TBXT: variants seen among roughly 807,000 people sequenced by gnomAD.
TBXT encodes T-box transcription factor T.
Under a neutral mutation model 41.1 loss-of-function variants are expected in TBXT, and 19 were observed. That is an observed-to-expected ratio of 0.46 (90% CI 0.32 to 0.68). TBXT has a LOEUF of 0.68. TBXT is among the 30% of genes least tolerant of loss of function. TBXT has a pLI of 0.03. For synonymous variants in TBXT, 213 were observed against 238.9 expected (o/e 0.89, Z 1.00); for missense variants, 536 against 582.0 (o/e 0.92, Z 0.81).
At chr6:166,159,320 C>A (rs777140307) in intron 7 of TBXT, among the ~76,000 whole-genome samples, 2 of 151,998 alleles carry the variant, frequency 1.3e-5, no homozygotes, top group African/African-American at 4.8e-5. Flanking sequence ...ACCCCCACCA[C>A]CGCAGTGATT....
chr6:166,164,801 T>C lies in TBXT; in HGVS notation c.667A>G (p.Arg223Gly). The change falls in exon 4 of 8, where the codon AGA (arginine) becomes GGA (glycine). Residue 223 changes from arginine to glycine, a missense_variant and splice_region_variant. Arg to Gly is a moderately radical substitution (Grantham distance 125). Transcript: ENST00000366876. ...TATTTATAGTTAGAATTCTCTCACC[T>C]TTCCTTTGCATCAAGGAAAGCTTTT... Reference protein sequence around the residue: ...FAKAFLDAKERSDHKEMMEEP... With the variant: ...FAKAFLDAKEGSDHKEMMEEP... 1 of 1,613,662 alleles carries C rather than the reference T, an allele frequency of 6.2e-7. No individual in the cohort carries two copies. The highest frequency in any genetic ancestry group is 8.5e-7 in the Non-Finnish European group (1 of 1,179,888).
chr6:166,163,707 T>C (rs1779026747), intron 5 of TBXT, among the ~76,000 whole-genome samples: 1 of 152,224 alleles, frequency 6.6e-6, no homozygotes, highest in Non-Finnish European at 1.5e-5. Flanking sequence ...TCAAGCTTTG[T>C]TGTTTTGATT....
chr6:166,159,026 G>A (rs571753200), intron 7 of TBXT, among the ~76,000 whole-genome samples: 1 of 152,232 alleles, frequency 6.6e-6, no homozygotes, highest in South Asian at 2.1e-4. Flanking sequence ...CAAAAAATTG[G>A]CTGGGCATGG....
chr6:166,158,276 A>G lies in TBXT; in HGVS notation c.*39T>C. 6.2e-7 allele frequency: 1 copy of G among 1,614,204 alleles called. No homozygotes were observed. Among genetic ancestry groups the G allele is most frequent in the South Asian group, 1.1e-5 (1 of 91,080 alleles). Reference sequence around the variant, plus strand: ...CCAGTCACCACTGGCTGCCACGACAAAAAGTCACTGCATCTTTCGGGACCT... The same window carrying G: ...CCAGTCACCACTGGCTGCCACGACAGAAAGTCACTGCATCTTTCGGGACCT... On this transcript the variant is annotated 3_prime_UTR_variant, in exon 8 of 8. Coordinates refer to ENST00000366876, the MANE Select transcript of TBXT (RefSeq NM_001366285.2).
rs1210623148 is a variant in TBXT, at chr6:166,167,596, C to A, written c.-5G>T. On this transcript the variant is annotated 5_prime_UTR_variant, in exon 1 of 8. Transcript: ENST00000366876. Reference sequence around the variant, plus strand: ...CTCGGTGCCAGGGGAGCTCATCCTCCCGTCCGGCTCCCCTCCCCGCCGTCC... The same window carrying A: ...CTCGGTGCCAGGGGAGCTCATCCTCACGTCCGGCTCCCCTCCCCGCCGTCC... The A allele has an allele frequency of 5.8e-6, 9 of 1,548,788 alleles. No homozygotes were observed. In the South Asian group the frequency reaches 5.9e-5, roughly 10 times the overall value.
At position 166,167,681 on chromosome 6, in the gene TBXT, G is replaced by T; in HGVS notation, c.-90C>A. 6.6e-7 allele frequency: 1 copy of T among 1,507,678 alleles called. No individual in the cohort carries two copies. The allele number at this position is 1,507,678 out of a possible 1,614,324, so 93.4% of individuals were successfully genotyped here. A position where few individuals can be genotyped will look rare whatever the true frequency, so the allele number is the denominator to read the frequency against. On this transcript the variant is annotated 5_prime_UTR_variant, in exon 1 of 8. Coordinates refer to ENST00000366876, the MANE Select transcript of TBXT (RefSeq NM_001366285.2). The stretch of plus-strand genomic sequence containing the variant: ...CCCTGCTCTTGGCCGCCGCCCTTCC[G>T]AGAAAAGGGGCCCCTTGGACCGAGA...
At chr6:166,163,802 G>C (rs1056312038) in intron 5 of TBXT, among the ~76,000 whole-genome samples, 2 of 152,258 alleles carry the variant, frequency 1.3e-5, no homozygotes, top group African/African-American at 4.8e-5. Context: ...CTGGAAGGAA[G>C]GGTGCAGACG....
chr6:166,161,436 C>T (rs1778951632), intron 6 of TBXT, among the ~76,000 whole-genome samples: 1 of 152,216 alleles, frequency 6.6e-6, no homozygotes, highest in South Asian at 2.1e-4. Flanking sequence ...CAATAAGGTC[C>T]TTTCATTTCA....
At position 166,165,813 on chromosome 6, in the gene TBXT, C is replaced by T. The variant is rs546389815; in HGVS notation, c.499G>A (p.Glu167Lys). 77 of 1,614,186 alleles carry T rather than the reference C, an allele frequency of 4.8e-5. No homozygotes were observed. In the East Asian group the frequency reaches 1.6e-3, roughly 34 times the overall value. ...QIMLNSLHKYEPRIHIVRVGG... is the reference protein window; with the variant it reads ...QIMLNSLHKYKPRIHIVRVGG... ...ACTCTCACTATGTGGATTCGAGGCT[C>T]ATACTTATGCAAGGAGTTCAGCATG... Residue 167 changes from glutamate to lysine, a missense_variant, in exon 3 of 8, where the codon GAG (glutamate) becomes AAG (lysine). Transcript: ENST00000366876.
chr6:166,167,267 A>G, intron 1 of TBXT, 119 bp downstream of exon 1: 1 of 1,155,652 alleles, frequency 8.7e-7, no homozygotes. Flanking sequence ...CAGAGCGGGA[A>G]CAAACACAAA....
In TBXT at chr6:166,165,629, G is replaced by T. The variant is rs558420166; in HGVS notation, c.606+77C>A. 9.8e-5 allele frequency: 158 copies of T among 1,609,938 alleles called. No homozygotes were observed. The East Asian group carries it at 2.8e-3, about 29-fold the overall frequency. On this transcript the variant is annotated intron_variant, in intron 3 of 7. Coordinates refer to ENST00000366876, the MANE Select transcript of TBXT (RefSeq NM_001366285.2). Reference sequence around the variant, plus strand: ...TCAGTGCGGGTTAGCGCGTCTCCCCGCTCCTCCAGAATCTCCACGGAGCAG... The same window carrying T: ...TCAGTGCGGGTTAGCGCGTCTCCCCTCTCCTCCAGAATCTCCACGGAGCAG...
chr6:166,167,964 G>T, upstream of TBXT: 1 of 350,376 alleles, frequency 2.9e-6, no homozygotes, highest in South Asian at 2.7e-5. Context: ...CCCATTGGCC[G>T]AGAGCGGCCA....
chr6:166,160,031 A>C (rs1778906107), intron 7 of TBXT, among the ~76,000 whole-genome samples: 1 of 152,224 alleles, frequency 6.6e-6, no homozygotes, highest in Non-Finnish European at 1.5e-5. Flanking sequence ...TATTCTAGAA[A>C]ATGAAGTGCA....
intron 1 of TBXT, among the ~76,000 whole-genome samples, chr6:166,167,183 G>A (rs1779144607): frequency 6.6e-6 from 1 of 152,032 alleles, no homozygotes; most frequent in Non-Finnish European, 1.5e-5. Context: ...CGAAGTGCGC[G>A]TTCCTCCTCC....
intron 2 of TBXT, among the ~76,000 whole-genome samples, 199 bp downstream of exon 2, chr6:166,166,393 C>T (rs1035696785): frequency 6.6e-6 from 1 of 152,342 alleles, no homozygotes; most frequent in African/African-American, 2.4e-5. Flanking sequence ...AGTGCTCCCG[C>T]TCCCCGTTCG....
Position 166,158,153 on chromosome 6 carries a change from A to G in TBXT, c.*162T>C. On this transcript the variant is annotated 3_prime_UTR_variant, in exon 8 of 8. Transcript: ENST00000366876. ...GCAAGGGATGCTGGGGCTCTGGGGA[A>G]AGGTGCCGTGTGCTCCTCCACTGCT... 2 of 1,086,280 alleles carry G rather than the reference A, an allele frequency of 1.8e-6. No individual in the cohort carries two copies. The highest frequency in any genetic ancestry group is 2.7e-6 in the Non-Finnish European group (2 of 734,786). 67.3% of individuals were successfully genotyped at this position (1,086,280 alleles called of 1,614,324 possible).
chr6:166,159,384 A>T (rs1449212704), intron 7 of TBXT, among the ~76,000 whole-genome samples: 1 of 151,994 alleles, frequency 6.6e-6, no homozygotes, highest in Non-Finnish European at 1.5e-5. Flanking sequence ...CATTCCTTAG[A>T]GTAACTCCAG....
chr6:166,167,319 G>T, intron 1 of TBXT, 67 bp downstream of exon 1: 1 of 1,587,530 alleles, frequency 6.3e-7, no homozygotes, highest in South Asian at 1.1e-5. Flanking sequence ...CCGGGAACTT[G>T]CCAGGTCCCC....
At position 166,164,605 on chromosome 6, in the gene TBXT, A is replaced by G. The variant is rs774434198; in HGVS notation, c.730T>C (p.Ser244Pro). The change falls in exon 5 of 8, where the codon TCA (serine) becomes CCA (proline). Residue 244 changes from serine (S) to proline (P), a missense_variant and splice_region_variant. Physicochemically the swap from Ser to Pro is moderately conservative, Grantham distance 74. Transcript: ENST00000366876. ...CATGACAGAGTGCAACAAACCGTACATTGGGAGTACCCAGGTTGCTGGCTG... is the reference window on the plus strand; with the variant it reads ...CATGACAGAGTGCAACAAACCGTACGTTGGGAGTACCCAGGTTGCTGGCTG... ...GDSQQPGYSQ[S>P]GGWLLPGTST... 2.5e-6 allele frequency: 4 copies of G among 1,614,026 alleles called. No individual in the cohort carries two copies. The highest frequency in any genetic ancestry group is 3.4e-6 in the Non-Finnish European group (4 of 1,180,038).
Sources: gnomAD v4.1 joint callset for allele counts (sites outside exome capture counted in the v4.1 genomes callset) on GRCh38, gnomAD v4.1.1 for gene constraint, MANE v1.5 for transcripts, NCBI Gene and HGNC (gene_info 2026-07-23, HGNC 2026-07-21) for gene names.